Variants in MTMR10 observed in about 807,000 individuals in gnomAD.
The protein encoded by MTMR10 is myotubularin-related protein 10.
A neutral mutation model predicts 88.1 loss-of-function variants in MTMR10; 56 were observed. The observed-to-expected ratio is 0.64, with a 90% CI of 0.51 to 0.79. The LOEUF (loss-of-function observed/expected upper bound fraction) is 0.79. Among genes scored for constraint, MTMR10 ranks in the 30% least tolerant of loss-of-function variants. The pLI is 0.00. For missense variants in MTMR10, 883 were observed against 924.7 expected, an observed-to-expected ratio of 0.95 and a Z score of 0.58; for synonymous variants, 380 against 340.9, an observed-to-expected ratio of 1.11 and a Z score of -1.26.
intron 2 of MTMR10, among the ~76,000 whole-genome samples, chr15:30,986,895 C>T (rs578087761): frequency 7.9e-5 from 12 of 152,310 alleles, no homozygotes; most frequent in Middle Eastern, 3.4e-3. Flanking sequence ...CTCACCGAAC[C>T]GATCCACCAG....
At position 30,960,939 on chromosome 15, in the gene MTMR10, T is replaced by C; in HGVS notation, c.700A>G (p.Thr234Ala). 1 of 1,612,690 alleles carries C rather than the reference T, an allele frequency of 6.2e-7. No individual in the cohort carries two copies. Among genetic ancestry groups the C allele is most frequent in the Non-Finnish European group, 8.5e-7 (1 of 1,179,300 alleles). ...YSDWDREIKR[T>A]GASGWRVCSI... Reference sequence around the variant, plus strand: ...CAAACTCTCCACCCGGAAGCACCTGTCCTCTTGATTTCTCTGTCCCAATCC... The same window carrying C: ...CAAACTCTCCACCCGGAAGCACCTGCCCTCTTGATTTCTCTGTCCCAATCC... The change falls in exon 7 of 16, where the codon ACA becomes GCA. Residue 234 changes from threonine to alanine, a missense_variant. This residue lies in a region of MTMR10 where 414 missense variants were observed against 423.2 expected (regional missense o/e 0.98). Coordinates refer to ENST00000435680, the MANE Select transcript of MTMR10 (RefSeq NM_017762.3).
chr15:30,951,747 G>A (rs1275965660), intron 12 of MTMR10, among the ~76,000 whole-genome samples: 1 of 152,140 alleles, frequency 6.6e-6, no homozygotes, highest in Admixed American at 6.5e-5. Context: ...TGATCCGCCC[G>A]CCTCGACCTC....
intron 14 of MTMR10, chr15:30,946,775 C>T (rs1197554072): frequency 1.4e-6 from 1 of 702,428 alleles, no homozygotes; most frequent in Admixed American, 2.0e-5. Context: ...TTTTATCCTA[C>T]TGACCTAGGA....
chr15:30,958,699 TTTAATA>T (rs2063359556), intron 9 of MTMR10, among the ~76,000 whole-genome samples, 158 bp downstream of exon 9: 2 of 152,244 alleles, frequency 1.3e-5, no homozygotes, highest in African/African-American at 2.4e-5. Context: ...GTCAGTTAAT[TTTAATA>T]TTATCACATT....
chr15:30,937,128 G>GT (rs749487523), downstream of MTMR10: 11 of 1,608,730 alleles, frequency 6.8e-6, no homozygotes, highest in East Asian at 2.2e-4. Flanking sequence ...GCTGGTGGAA[G>GT]TTAAAGGCCC....
chr15:30,989,561 C>G (rs1325020891), intron 2 of MTMR10, among the ~76,000 whole-genome samples: 3 of 151,474 alleles, frequency 2.0e-5, no homozygotes, highest in African/African-American at 7.3e-5. Context: ...TGATAGTAGC[C>G]ACACAAACTA....
rs781657764 is a variant in MTMR10, at chr15:30,941,928, C to T, written c.1876G>A (p.Asp626Asn). Residue 626 changes from aspartate to asparagine, a missense_variant, in exon 16 of 16, where the codon GAT becomes AAT. Asp to Asn is a conservative substitution (Grantham distance 23). Coordinates refer to ENST00000435680, the MANE Select transcript of MTMR10 (RefSeq NM_017762.3). The part of the protein sequence containing the change: ...PAQQTDSQNS[D>N]TEQYFREWFS... The stretch of plus-strand genomic sequence containing the variant: ...CATTCTCTAAAATACTGCTCCGTAT[C>T]ACTGTTCTGGCTGTCGGTTTGCTGA... 2.3e-5 allele frequency: 37 copies of T among 1,613,892 alleles called. No individual in the cohort carries two copies. The highest frequency in any genetic ancestry group is 3.0e-5 in the Non-Finnish European group (35 of 1,179,912).
At chr15:30,948,510 AAAATGCTGAGAGAG>A in intron 12 of MTMR10, 39 bp from the exon 13 acceptor site, 1 of 1,549,756 alleles carries the variant, frequency 6.5e-7, no homozygotes, top group Non-Finnish European at 8.7e-7. Flanking sequence ...ACAACATAGA[AAAATGCTGAGAGAG>A]AAAGGGAAGG....
chr15:30,936,004 A>AT (rs1426814812), downstream of MTMR10, among the ~76,000 whole-genome samples: 1 of 151,092 alleles, frequency 6.6e-6, no homozygotes, highest in Non-Finnish European at 1.5e-5. Context: ...ATTTTTGGCC[A>AT]TTTTTTCTTT....
chr15:30,968,074 A>G, intron 5 of MTMR10, 64 bp from the exon 6 acceptor site: 1 of 1,214,782 alleles, frequency 8.2e-7, no homozygotes, highest in Non-Finnish European at 1.2e-6. Context: ...ATGTACAATA[A>G]GGCCTTGGGC....
At chr15:30,961,321 C>T (rs1482420483) in intron 6 of MTMR10, among the ~76,000 whole-genome samples, 2 of 151,938 alleles carry the variant, frequency 1.3e-5, no homozygotes, top group Non-Finnish European at 2.9e-5. Flanking sequence ...GCAACCTCCG[C>T]CCCCCGGGTT....
intron 2 of MTMR10, among the ~76,000 whole-genome samples, chr15:30,982,178 T>C (rs1268383281): frequency 6.6e-6 from 1 of 151,840 alleles, no homozygotes; most frequent in East Asian, 1.9e-4. Context: ...GACTGAGACA[T>C]TGAGAATAAG....
At chr15:30,974,791 T>C (rs2029988212) in intron 4 of MTMR10, 140 bp downstream of exon 4, 2 of 529,744 alleles carry the variant, frequency 3.8e-6, no homozygotes, top group Non-Finnish European at 6.4e-6. Flanking sequence ...TCCCTCTTTA[T>C]GTTCCCGGGA....
the MTMR10 span, among the ~76,000 whole-genome samples, chr15:30,931,818 T>C: frequency 1.3e-5 from 2 of 152,228 alleles, no homozygotes; most frequent in Non-Finnish European, 2.9e-5. Flanking sequence ...TAGATACATC[T>C]TGGAGTCAGG....
intron 2 of MTMR10, among the ~76,000 whole-genome samples, chr15:30,989,273 T>TA (rs1324229038): frequency 6.6e-6 from 1 of 152,176 alleles, no homozygotes; most frequent in Admixed American, 6.5e-5. Flanking sequence ...TTAGTAATTC[T>TA]ACTGTTCACT....
intron 7 of MTMR10, 106 bp from the exon 8 acceptor site, chr15:30,959,227 A>C: frequency 2.0e-6 from 2 of 1,014,978 alleles, no homozygotes. Flanking sequence ...TTTAATGTGC[A>C]CCCCACTTAG....
Position 30,939,408 on chromosome 15 carries a change from C to T in MTMR10, c.*2062G>A. 2 of 985,456 alleles carry T rather than the reference C, an allele frequency of 2.0e-6. No individual in the cohort carries two copies. The highest frequency in any genetic ancestry group is 2.4e-6 in the Non-Finnish European group (2 of 829,940). 61.0% of individuals were successfully genotyped at this position (985,456 alleles called of 1,614,324 possible). On this transcript the variant is annotated 3_prime_UTR_variant, in exon 16 of 16. Coordinates refer to ENST00000435680, the MANE Select transcript of MTMR10 (RefSeq NM_017762.3). ...CACACCACTGCTGTCACCACATGTC[C>T]CTCTGACGGCAGAGGTGGTATAAGC... is the stretch of plus-strand genomic sequence containing the variant.
At chr15:30,948,504 C>T (rs2063202200) in intron 12 of MTMR10, 33 bp from the exon 13 acceptor site, 1 of 1,559,888 alleles carries the variant, frequency 6.4e-7, no homozygotes, top group African/African-American at 1.4e-5. Flanking sequence ...ATGATTACAA[C>T]ATAGAAAAAT....
At chr15:30,953,753 C>G in intron 10 of MTMR10, 122 bp from the exon 11 acceptor site, 1 of 635,078 alleles carries the variant, frequency 1.6e-6, no homozygotes. Flanking sequence ...CATGCATTTT[C>G]ACTTTAATAA....
Sources: gnomAD v4.1 joint callset for allele counts (sites outside exome capture counted in the v4.1 genomes callset) on GRCh38, gnomAD v4.1.1 for gene constraint, gnomAD v4.1.1 regional missense constraint, MANE v1.5 for transcripts, NCBI Gene and HGNC (gene_info 2026-07-23, HGNC 2026-07-21) for gene names.